The following P4HA3 variants were observed in gnomAD, a reference collection of about 807,000 sequenced individuals.
The protein encoded by P4HA3 is prolyl 4-hydroxylase subunit alpha-3.
In P4HA3, 60 loss-of-function variants were observed where a neutral mutation model predicts 66.7. That is an observed-to-expected ratio of 0.90 (90% CI 0.73 to 1.12). The LOEUF is 1.12. Among genes scored for constraint, P4HA3 ranks in the 50% most tolerant of loss-of-function variants. P4HA3 has a pLI of 0.00. For synonymous variants in P4HA3, 263 were observed against 274.6 expected (o/e 0.96, Z 0.42); for missense variants, 683 against 685.8 (o/e 1.00, Z 0.05).
Position 74,267,097 on chromosome 11 carries a change from TCTCCCTTGCCTC to T in P4HA3, c.*139_*150del. 1 of 1,540,580 alleles carries T rather than the reference TCTCCCTTGCCTC, an allele frequency of 6.5e-7. No homozygotes were observed. Among genetic ancestry groups the T allele is most frequent in the African/African-American group, 1.4e-5 (1 of 73,446 alleles). On this transcript the variant is annotated 3_prime_UTR_variant, in exon 13 of 13. Coordinates refer to ENST00000331597, the MANE Select transcript of P4HA3 (RefSeq NM_182904.5). ...TTCTCAGTGTCCCCTGGTAACAACCTCTCCCTTGCCTCTGATTTGCGAGGCACAGACAAAGCT... is the reference window on the plus strand; with the variant it reads ...TTCTCAGTGTCCCCTGGTAACAACCTTGATTTGCGAGGCACAGACAAAGCT...
At chr11:74,270,016 C>T (rs1034109209) in intron 10 of P4HA3, among the ~76,000 whole-genome samples, 2 of 152,034 alleles carry the variant, frequency 1.3e-5, no homozygotes, top group African/African-American at 4.8e-5. Context: ...GACTGAGACC[C>T]TTAGGAAAAA....
At chr11:74,293,284 T>G (rs1312483880) in intron 4 of P4HA3, among the ~76,000 whole-genome samples, 1 of 152,138 alleles carries the variant, frequency 6.6e-6, no homozygotes, top group African/African-American at 2.4e-5. Context: ...CCTTTTTTTG[T>G]TTTCCATTTG....
At chr11:74,263,194 G>A (rs1486563776), downstream of P4HA3, among the ~76,000 whole-genome samples, 1 of 152,266 alleles carries the variant, frequency 6.6e-6, no homozygotes, top group Non-Finnish European at 1.5e-5. Context: ...CAGTGAGCAG[G>A]TCGTCTTCTT....
At chr11:74,310,729 G>T (rs1304994845) in intron 1 of P4HA3, among the ~76,000 whole-genome samples, 1 of 152,186 alleles carries the variant, frequency 6.6e-6, no homozygotes, top group East Asian at 1.9e-4. Context: ...ATAGCGACCT[G>T]TACAGTTACT....
chr11:74,263,181 G>A (rs1159157180), downstream of P4HA3, among the ~76,000 whole-genome samples: 1 of 152,264 alleles, frequency 6.6e-6, no homozygotes, highest in Non-Finnish European at 1.5e-5. Context: ...TCTGCCTTAA[G>A]GGCAGTGAGC....
chr11:74,267,386 G>C, intron 12 of P4HA3, 68 bp from the exon 13 acceptor site: 2 of 1,578,878 alleles, frequency 1.3e-6, no homozygotes, highest in South Asian at 2.3e-5. Context: ...GCTGCAGACT[G>C]GTGCGCACTC....
chr11:74,275,920 G>A (rs1483181838), intron 9 of P4HA3, among the ~76,000 whole-genome samples: 1 of 152,128 alleles, frequency 6.6e-6, no homozygotes, highest in Non-Finnish European at 1.5e-5. Flanking sequence ...ATCGATGGTT[G>A]ATTTGATAAA....
At position 74,311,245 on chromosome 11, in the gene P4HA3, C is replaced by A. The variant is rs1861733253; in HGVS notation, c.200+167G>T. 3.7e-6 allele frequency: 3 copies of A among 820,960 alleles called. No individual in the cohort carries two copies. The South Asian group carries it at 6.3e-5, about 17-fold the overall frequency. The allele number at this position is 820,960 out of a possible 1,614,324, so 50.9% of individuals were successfully genotyped here. A position where few individuals can be genotyped will look rare whatever the true frequency, so the allele number is the denominator to read the frequency against. ...GGTCACACTGGCCCTCAGAGCCACTCCCCACCCCATGCCACAATGTCTCAG... is the reference window on the plus strand; with the variant it reads ...GGTCACACTGGCCCTCAGAGCCACTACCCACCCCATGCCACAATGTCTCAG... On this transcript the variant is annotated intron_variant, in intron 1 of 12. Coordinates refer to ENST00000331597, the MANE Select transcript of P4HA3 (RefSeq NM_182904.5).
intron 4 of P4HA3, among the ~76,000 whole-genome samples, chr11:74,292,090 TG>T (rs1164383399): frequency 2.0e-5 from 3 of 152,210 alleles, no homozygotes; most frequent in Non-Finnish European, 4.4e-5. Context: ...TTTTTTTGGT[TG>T]GTAAGCTATT....
At chr11:74,289,287 G>T (rs1230716951) in intron 4 of P4HA3, among the ~76,000 whole-genome samples, 157 bp from the exon 5 acceptor site, 1 of 151,690 alleles carries the variant, frequency 6.6e-6, no homozygotes, top group Admixed American at 6.6e-5. Flanking sequence ...AAATGCAGAG[G>T]ATCTGTGGCC....
intron 11 of P4HA3, 25 bp from the exon 12 acceptor site, chr11:74,268,266 G>A (rs780280519): frequency 8.1e-6 from 13 of 1,597,608 alleles, no homozygotes; most frequent in Non-Finnish European, 1.0e-5. Flanking sequence ...CCCAGCCCCA[G>A]GGAGGGTCAG....
At chr11:74,270,324 A>G (rs1392948385) in intron 10 of P4HA3, among the ~76,000 whole-genome samples, 1 of 152,188 alleles carries the variant, frequency 6.6e-6, no homozygotes, top group Non-Finnish European at 1.5e-5. Context: ...CCTTTGGCAT[A>G]TTCTCCAGAT....
At chr11:74,278,800 C>T (rs1860486732) in intron 8 of P4HA3, among the ~76,000 whole-genome samples, 1 of 152,146 alleles carries the variant, frequency 6.6e-6, no homozygotes, top group Non-Finnish European at 1.5e-5. Flanking sequence ...TCCCAGACAG[C>T]ACAAACTGAT....
chr11:74,251,562 C>A, intron 15 of P4HA3: 1 of 1,566,362 alleles, frequency 6.4e-7, no homozygotes, highest in Non-Finnish European at 8.6e-7. Flanking sequence ...CACCGTAGAG[C>A]CTAACCATCT....
intron 9 of P4HA3, among the ~76,000 whole-genome samples, chr11:74,276,770 A>T (rs1450856055): frequency 3.3e-5 from 5 of 152,180 alleles, no homozygotes; most frequent in African/African-American, 1.2e-4. Flanking sequence ...TTCTTCCCTC[A>T]CCAGCAAATT....
intron 15 of P4HA3, among the ~76,000 whole-genome samples, chr11:74,258,629 G>A (rs1049200103): frequency 2.2e-4 from 33 of 152,190 alleles, no homozygotes; most frequent in East Asian, 1.2e-3. Context: ...ACTTCCAGAC[G>A]AGTGCCTTTT....
In P4HA3 at chr11:74,294,027, T is replaced by C. The variant is rs532502680; in HGVS notation, c.717+4185A>G. On this transcript the variant is annotated intron_variant, in intron 4 of 12. Transcript: ENST00000331597. ...AGATTGGGGAAGTTCTCCTGGATAA[T>C]ATCCTGCAGAGTGTTTTCCAACTTG... 1.5e-3 allele frequency among the ~76,000 whole-genome samples: 231 copies of C among 152,366 alleles called. 2 individuals carry two copies. The highest frequency in any genetic ancestry group is 5.3e-3 in the African/African-American group (219 of 41,584).
chr11:74,301,342 T>C (rs1037054503), intron 3 of P4HA3, among the ~76,000 whole-genome samples: 2 of 152,186 alleles, frequency 1.3e-5, no homozygotes, highest in African/African-American at 4.8e-5. Context: ...ATTTTCAACA[T>C]ACGGTTTTAC....
chr11:74,271,531 CT>C (rs546016215), intron 10 of P4HA3, among the ~76,000 whole-genome samples: 5 of 148,974 alleles, frequency 3.4e-5, no homozygotes, highest in East Asian at 3.9e-4. Context: ...TGGGGCTGAT[CT>C]TTTTTTTTTA....
Sources: gnomAD v4.1 joint callset for allele counts (sites outside exome capture counted in the v4.1 genomes callset) on GRCh38, gnomAD v4.1.1 for gene constraint, MANE v1.5 for transcripts, NCBI Gene and HGNC (gene_info 2026-07-23, HGNC 2026-07-21) for gene names.